CAMTA1: variants seen among roughly 807,000 people sequenced by gnomAD.
CAMTA1 encodes the protein calmodulin binding transcription activator 1, also known as calmodulin-binding transcription activator 1.
CAMTA1 carries 27 observed loss-of-function variants against 170.9 expected under a neutral mutation model. That is an observed-to-expected ratio of 0.16 (90% CI 0.12 to 0.22). The LOEUF (loss-of-function observed/expected upper bound fraction) is 0.22, where lower values mean the gene tolerates loss of function less well. Among genes scored for constraint, CAMTA1 ranks in the 10% least tolerant of loss-of-function variants. CAMTA1 has a pLI of 1.00. For missense variants in CAMTA1, 1,619 were observed against 2,217.2 expected (o/e 0.73, Z 5.42); for synonymous variants, 833 against 891.5 (o/e 0.93, Z 1.17).
intron 3 of CAMTA1, among the ~76,000 whole-genome samples, chr1:7,003,825 T>C (rs993779368): frequency 6.6e-6 from 1 of 152,174 alleles, no homozygotes; most frequent in Non-Finnish European, 1.5e-5. Context: ...TACGGAAGTA[T>C]CTGGTTTATG....
rs961036069 is a variant in CAMTA1, at chr1:7,134,764, A to G, written c.302+43393A>G. Among the ~76,000 whole-genome samples, 7 of 152,228 alleles carry G rather than the reference A, an allele frequency of 4.6e-5. 1 individual carries two copies. Among genetic ancestry groups the G allele is most frequent in the Admixed American group, 1.3e-4 (2 of 15,290 alleles). ...AAAAGACACATGCAATTATATGTTC[A>G]TGGGATTACTAGCTACCAATAATGA... On this transcript the variant is annotated intron_variant, in intron 4 of 22. Coordinates refer to ENST00000303635, the MANE Select transcript of CAMTA1 (RefSeq NM_015215.4).
intron 5 of CAMTA1, among the ~76,000 whole-genome samples, chr1:7,432,758 T>A (rs889879028): frequency 6.6e-6 from 1 of 152,244 alleles, no homozygotes; most frequent in African/African-American, 2.4e-5. Flanking sequence ...CCGTCCCCCT[T>A]GTGGCCCTGC....
intron 5 of CAMTA1, among the ~76,000 whole-genome samples, chr1:7,467,096 C>T (rs1049806149): frequency 6.6e-6 from 1 of 152,292 alleles, no homozygotes; most frequent in African/African-American, 2.4e-5. Context: ...CAACTCTGCT[C>T]ACCTGGGTCT....
In CAMTA1 at chr1:7,085,920, A is replaced by G. The variant is rs146785531; in HGVS notation, c.235-5384A>G. On this transcript the variant is annotated intron_variant, in intron 3 of 22. Coordinates refer to ENST00000303635, the MANE Select transcript of CAMTA1 (RefSeq NM_015215.4). ...GTGACCAGGCAGTGACACCAGGTGC[A>G]GCATCGCAGTCCCCAGTCCTGCCCA... Among the ~76,000 whole-genome samples the G allele has an allele frequency of 1.2e-3, 188 of 152,322 alleles. 4 individuals are homozygous for G. The East Asian group carries it at 0.031, about 25-fold the overall frequency.
In CAMTA1 at chr1:7,541,708, T is replaced by A. The variant is rs1293027090; in HGVS notation, c.510+73807T>A. Among the ~76,000 whole-genome samples, 3 of 152,224 alleles carry A rather than the reference T, an allele frequency of 2.0e-5. No individual in the cohort carries two copies. In the East Asian group the frequency reaches 5.8e-4, roughly 29 times the overall value. On this transcript the variant is annotated intron_variant, in intron 6 of 22. Transcript: ENST00000303635. ...CGGGCGCGTTCCCCCAAACCCCCACTGCAGCCTTTGGTTGTTCTGTGGTCA... is the reference window on the plus strand; with the variant it reads ...CGGGCGCGTTCCCCCAAACCCCCACAGCAGCCTTTGGTTGTTCTGTGGTCA...
chr1:6,808,525 G>A lies in CAMTA1; in HGVS notation c.46-11656G>A, dbSNP rs559654021. On this transcript the variant is annotated intron_variant, in intron 1 of 22. Transcript: ENST00000303635. ...AGCTTAAATGAAACTTCCAATAGGA[G>A]AAGCCTTCTTGACCTTGCCCCTCTT... Among the ~76,000 whole-genome samples, 295 of 152,300 alleles carry A rather than the reference G, an allele frequency of 1.9e-3. 1 individual carries two copies. The highest frequency in any genetic ancestry group is 6.8e-3 in the African/African-American group (284 of 41,568).
chr1:7,706,748 G>A (rs1480652617), intron 11 of CAMTA1, among the ~76,000 whole-genome samples: 1 of 152,170 alleles, frequency 6.6e-6, no homozygotes, highest in Non-Finnish European at 1.5e-5. Context: ...CCTTGATGAG[G>A]TCGTCCTGAT....
intron 5 of CAMTA1, among the ~76,000 whole-genome samples, chr1:7,323,882 G>A (rs370804655): frequency 1.1e-3 from 166 of 152,254 alleles, no homozygotes; most frequent in African/African-American, 3.8e-3. Flanking sequence ...CTGTGGTCGT[G>A]CTTTGTGAAA....
chr1:7,492,176 C>G lies in CAMTA1; in HGVS notation c.510+24275C>G, dbSNP rs570644521. 1.1e-4 allele frequency among the ~76,000 whole-genome samples: 16 copies of G among 152,270 alleles called. No homozygotes were observed. The East Asian group carries it at 3.1e-3, about 29-fold the overall frequency. On this transcript the variant is annotated intron_variant, in intron 6 of 22. Coordinates refer to ENST00000303635, the MANE Select transcript of CAMTA1 (RefSeq NM_015215.4). Reference sequence around the variant, plus strand: ...GCTAAGCAAGTCCTCCTTGGTAGAGCGTCTTTCCCATCATCCTCTGCGAGG... The same window carrying G: ...GCTAAGCAAGTCCTCCTTGGTAGAGGGTCTTTCCCATCATCCTCTGCGAGG...
chr1:6,971,962 C>A lies in CAMTA1; in HGVS notation c.235-119342C>A, dbSNP rs369892303. On this transcript the variant is annotated intron_variant, in intron 3 of 22. Coordinates refer to ENST00000303635, the MANE Select transcript of CAMTA1 (RefSeq NM_015215.4). This position sits in a 1 kb window ranked among gnomAD's most constrained non-coding sequence, Gnocchi z 4.6. ...CTGAGGGTTGGCCTTGTGTTCTGGA[C>A]AGGCCGTGAGCAGGAGACTGATCGT... Among the ~76,000 whole-genome samples, 1 of 152,158 alleles carries A rather than the reference C, an allele frequency of 6.6e-6. No homozygotes were observed. The highest frequency in any genetic ancestry group is 2.4e-5 in the African/African-American group (1 of 41,434).
chr1:7,613,874 G>A (rs1033750292), intron 6 of CAMTA1, among the ~76,000 whole-genome samples: 3 of 149,552 alleles, frequency 2.0e-5, no homozygotes, highest in African/African-American at 2.5e-5. Context: ...GGAGGAGAGC[G>A]ATGGTGGAGA....
In CAMTA1 at chr1:7,010,753, G is replaced by A. The variant is rs913207687; in HGVS notation, c.235-80551G>A. 2.0e-5 allele frequency among the ~76,000 whole-genome samples: 3 copies of A among 152,078 alleles called. No homozygotes were observed. The highest frequency in any genetic ancestry group is 2.1e-4 in the South Asian group (1 of 4,820). On this transcript the variant is annotated intron_variant, in intron 3 of 22. Coordinates refer to ENST00000303635, the MANE Select transcript of CAMTA1 (RefSeq NM_015215.4). This position sits in a 1 kb window ranked among gnomAD's most constrained non-coding sequence, Gnocchi z 4.4. ...CCAGCCCCAGCCTTCCTTTGTGCCCGTTTCTGAGTAGTAAGATTTCTTACT... is the reference window on the plus strand; with the variant it reads ...CCAGCCCCAGCCTTCCTTTGTGCCCATTTCTGAGTAGTAAGATTTCTTACT...
At chr1:7,136,352 G>A (rs764384819) in intron 4 of CAMTA1, among the ~76,000 whole-genome samples, 1 of 152,134 alleles carries the variant, frequency 6.6e-6, no homozygotes, top group Non-Finnish European at 1.5e-5. Flanking sequence ...TGTCCTGGCT[G>A]CAACCACCCC....
intron 1 of CAMTA1, among the ~76,000 whole-genome samples, chr1:6,805,074 C>G (rs1644361185): frequency 6.6e-6 from 1 of 152,172 alleles, no homozygotes; most frequent in Admixed American, 6.5e-5. Flanking sequence ...GTAGTTAACT[C>G]TGTTTAACTT....
chr1:7,678,219 G>A (rs946250983), intron 11 of CAMTA1, among the ~76,000 whole-genome samples: 3 of 152,220 alleles, frequency 2.0e-5, no homozygotes, highest in Non-Finnish European at 4.4e-5. Context: ...GGCTTCTTTC[G>A]AATTTGGGGG....
chr1:7,112,087 C>T (rs901195256), intron 4 of CAMTA1, among the ~76,000 whole-genome samples: 4 of 151,922 alleles, frequency 2.6e-5, no homozygotes, highest in Non-Finnish European at 5.9e-5. Context: ...TCTTATTAAC[C>T]CCTTATCTGG....
intron 5 of CAMTA1, among the ~76,000 whole-genome samples, chr1:7,347,552 A>G (rs777739310): frequency 3.9e-5 from 6 of 152,232 alleles, no homozygotes; most frequent in Non-Finnish European, 7.3e-5. Flanking sequence ...ATTGGTTTCC[A>G]TAGCAAATTA....
intron 6 of CAMTA1, 76 bp downstream of exon 6, chr1:7,467,977 G>T: frequency 8.2e-7 from 1 of 1,219,512 alleles, no homozygotes; most frequent in South Asian, 1.3e-5. Flanking sequence ...GAGGGCGCGG[G>T]GCTCCGCATG....
At chr1:7,120,364 G>A (rs6656160) in intron 4 of CAMTA1, among the ~76,000 whole-genome samples, 118,515 of 152,050 alleles carry the variant, frequency 0.78, 46,785 homozygotes, top group African/African-American at 0.9. Flanking sequence ...GCCTGGCAGG[G>A]TTCAATTCCT....
Sources: gnomAD v4.1 joint callset for allele counts (sites outside exome capture counted in the v4.1 genomes callset) on GRCh38, gnomAD v4.1.1 for gene constraint, Gnocchi (gnomAD v3.1) non-coding constraint, MANE v1.5 for transcripts, NCBI Gene and HGNC (gene_info 2026-07-23, HGNC 2026-07-21) for gene names.